Variants in UTRN observed in about 807,000 individuals in gnomAD.
The protein encoded by UTRN is utrophin, also known as dystrophin-related protein 1.
In UTRN, 283 loss-of-function variants were observed where a neutral mutation model predicts 463.9. The observed-to-expected ratio is 0.61, with a 90% CI of 0.55 to 0.67. The LOEUF is 0.67. Among genes scored for constraint, UTRN ranks in the 30% least tolerant of loss-of-function variants. The pLI is 0.00. For synonymous variants in UTRN, 1,442 were observed against 1,431.5 expected (o/e 1.01, Z -0.17); for missense variants, 3,922 against 4,084.3 (o/e 0.96, Z 1.08).
At chr6:144,641,964 G>A (rs1019512684) in intron 51 of UTRN, among the ~76,000 whole-genome samples, 6 of 152,122 alleles carry the variant, frequency 3.9e-5, no homozygotes, top group Admixed American at 3.9e-4. Context: ...TTAAAATCTA[G>A]TAAGGTATGT....
rs371159213 is a variant in UTRN, at chr6:144,661,090, T to G, written c.7480-17316T>G. Among the ~76,000 whole-genome samples the G allele has an allele frequency of 1.2e-4, 18 of 152,298 alleles. No individual in the cohort carries two copies. The East Asian group carries it at 3.5e-3, about 29-fold the overall frequency. On this transcript the variant is annotated intron_variant, in intron 51 of 74. Coordinates refer to ENST00000367545, the MANE Select transcript of UTRN (RefSeq NM_007124.3). ...AGAAAGGGGTGAAGTCCTCCCTCAC[T>G]TGGTATGTAAGTCAATTATTAATAT... is the stretch of plus-strand genomic sequence containing the variant.
chr6:144,639,743 A>G (rs1229930698), intron 51 of UTRN, among the ~76,000 whole-genome samples: 2 of 151,822 alleles, frequency 1.3e-5, no homozygotes, highest in Admixed American at 6.6e-5. Context: ...ATGAAGCTGT[A>G]TAAACAGACA....
intron 51 of UTRN, among the ~76,000 whole-genome samples, chr6:144,677,062 A>G (rs1003716049): frequency 6.6e-6 from 1 of 151,582 alleles, no homozygotes; most frequent in Non-Finnish European, 1.5e-5. Flanking sequence ...AGATTACAAT[A>G]CATTTTTTAA....
At chr6:144,304,138 C>T (rs73585075) in intron 2 of UTRN, among the ~76,000 whole-genome samples, 2,821 of 152,262 alleles carry the variant, frequency 0.019, 82 homozygotes, top group African/African-American at 0.06. Context: ...CTGTTATTGT[C>T]ATACTGTTTG....
At chr6:144,850,652 C>T (rs1782413801) in intron 74 of UTRN, among the ~76,000 whole-genome samples, 1 of 152,156 alleles carries the variant, frequency 6.6e-6, no homozygotes, top group Non-Finnish European at 1.5e-5. Flanking sequence ...TGACCTCCCA[C>T]AGTCCCCCAG....
intron 12 of UTRN, among the ~76,000 whole-genome samples, chr6:144,439,100 T>C (rs1786873987): frequency 1.3e-5 from 2 of 152,184 alleles, no homozygotes; most frequent in Admixed American, 1.3e-4. Context: ...ATTTTATATG[T>C]GATGTGCAGT....
At chr6:144,406,347 TTTTCTTTTC>T (rs1444957007) in intron 3 of UTRN, among the ~76,000 whole-genome samples, 6 of 116,874 alleles carry the variant, frequency 5.1e-5, no homozygotes, top group Non-Finnish European at 8.8e-5. Flanking sequence ...TTTCCTTTTT[TTTTCTTTTC>T]TTTTTTTTTT....
At chr6:144,677,863 T>A (rs1284084820) in intron 51 of UTRN, among the ~76,000 whole-genome samples, 1 of 152,178 alleles carries the variant, frequency 6.6e-6, no homozygotes, top group Non-Finnish European at 1.5e-5. Flanking sequence ...GCTGATGAGC[T>A]TTTTTTCATA....
chr6:144,817,583 T>C (rs934666115), intron 65 of UTRN, among the ~76,000 whole-genome samples: 9 of 152,120 alleles, frequency 5.9e-5, no homozygotes, highest in Non-Finnish European at 1.0e-4. Context: ...TATTAGGTAC[T>C]ACTATTATAT....
At chr6:144,761,255 G>A (rs1792637333) in intron 58 of UTRN, among the ~76,000 whole-genome samples, 1 of 152,012 alleles carries the variant, frequency 6.6e-6, no homozygotes, top group Non-Finnish European at 1.5e-5. Flanking sequence ...ATTAACATTT[G>A]AAAATTTTAT....
intron 17 of UTRN, 116 bp downstream of exon 17, chr6:144,448,885 A>AC: frequency 4.1e-6 from 5 of 1,223,790 alleles, no homozygotes; most frequent in Non-Finnish European, 5.6e-6. Context: ...AATAAGTATT[A>AC]TTATTATGAA....
chr6:144,314,579 T>A (rs1479523295), intron 2 of UTRN, among the ~76,000 whole-genome samples: 2 of 152,234 alleles, frequency 1.3e-5, no homozygotes, highest in Non-Finnish European at 2.9e-5. Flanking sequence ...GATTTTTCTT[T>A]TTCCCATTTC....
chr6:144,420,646 T>G lies in UTRN; in HGVS notation c.142-1232T>G, dbSNP rs2114844584. Among the ~76,000 whole-genome samples, 2 of 152,344 alleles carry G rather than the reference T, an allele frequency of 1.3e-5. 1 individual carries two copies. Among genetic ancestry groups the G allele is most frequent in the South Asian group, 4.1e-4 (2 of 4,832 alleles). On this transcript the variant is annotated intron_variant, in intron 3 of 74. Coordinates refer to ENST00000367545, the MANE Select transcript of UTRN (RefSeq NM_007124.3). ...TTAAAATCTTGGACTGGTACTAGTTTTAAGCACAAAAAGTATTTAATTGTT... is the reference window on the plus strand; with the variant it reads ...TTAAAATCTTGGACTGGTACTAGTTGTAAGCACAAAAAGTATTTAATTGTT...
At chr6:144,313,470 A>T (rs938059729) in intron 2 of UTRN, among the ~76,000 whole-genome samples, 5 of 152,232 alleles carry the variant, frequency 3.3e-5, no homozygotes, top group African/African-American at 1.2e-4. Context: ...AAGTCCTCAG[A>T]TTCTATGACA....
chr6:144,369,446 G>A (rs1350160146), intron 2 of UTRN, among the ~76,000 whole-genome samples: 4 of 152,154 alleles, frequency 2.6e-5, no homozygotes, highest in Admixed American at 6.5e-5. Context: ...GTAAAACCCC[G>A]TCTTTACTAA....
At chr6:144,815,448 T>G (rs1193803300) in intron 65 of UTRN, among the ~76,000 whole-genome samples, 1 of 151,912 alleles carries the variant, frequency 6.6e-6, no homozygotes, top group African/African-American at 2.4e-5. Flanking sequence ...GTAGGCTGTC[T>G]GCAAGCTGAA....
At chr6:144,427,398 T>C (rs1012603783) in intron 7 of UTRN, among the ~76,000 whole-genome samples, 1 of 152,266 alleles carries the variant, frequency 6.6e-6, no homozygotes, top group Non-Finnish European at 1.5e-5. Flanking sequence ...CTACGTCTTA[T>C]ATCTGGAAAC....
Position 144,554,704 on chromosome 6 carries a change from C to T in UTRN, c.6945C>T (p.Asn2315=), listed in dbSNP as rs756467551. 2.5e-6 allele frequency: 4 copies of T among 1,613,692 alleles called. No individual in the cohort carries two copies. Among genetic ancestry groups the T allele is most frequent in the Non-Finnish European group, 3.4e-6 (4 of 1,179,924 alleles). ...AITEKLERVK[N]QWDGTQHGVE... ...TACCCTCAGTGGAAAGGGTCAAGAA[C>T]CAGTGGGATGGCACCCAGCATGGCG... Residue 2315 remains asparagine (N), a synonymous_variant, in exon 49 of 75, where the codon AAC becomes AAT. Transcript: ENST00000367545.
At position 144,851,830 on chromosome 6, in the gene UTRN, TA is replaced by T. The variant is rs1554421967; in HGVS notation, c.*835del. 20 of 152,226 alleles carry T rather than the reference TA, an allele frequency of 1.3e-4. No homozygotes were observed. The highest frequency in any genetic ancestry group is 2.8e-4 in the Non-Finnish European group (19 of 68,042). The allele number at this position is 152,226 out of a possible 1,614,324, so 9.4% of individuals were successfully genotyped here. A position where few individuals can be genotyped will look rare whatever the true frequency, so the allele number is the denominator to read the frequency against. On this transcript the variant is annotated 3_prime_UTR_variant, in exon 75 of 75. Transcript: ENST00000367545. Reference sequence around the variant, plus strand: ...CTATTTGATAAAGAAGACTACATTATAATAATCTCAAAGATCATATTACCAA... The same window carrying T: ...CTATTTGATAAAGAAGACTACATTATATAATCTCAAAGATCATATTACCAA...
Sources: gnomAD v4.1 joint callset for allele counts (sites outside exome capture counted in the v4.1 genomes callset) on GRCh38, gnomAD v4.1.1 for gene constraint, MANE v1.5 for transcripts, NCBI Gene and HGNC (gene_info 2026-07-23, HGNC 2026-07-21) for gene names.